Variants in QSOX1 observed in about 807,000 individuals in gnomAD.
QSOX1 encodes the protein sulfhydryl oxidase 1.
A neutral mutation model predicts 76.1 loss-of-function variants in QSOX1; 40 were observed. The ratio of observed to expected loss-of-function variants is 0.53; its 90% CI spans 0.41 to 0.68. The LOEUF (loss-of-function observed/expected upper bound fraction) is 0.68, where lower values mean the gene tolerates loss of function less well. Ranked by LOEUF, QSOX1 falls within the 30% of genes least tolerant of loss-of-function variation. QSOX1 has a pLI of 0.00. For missense variants in QSOX1, 931 were observed against 974.3 expected (o/e 0.96, Z 0.59); for synonymous variants, 392 against 413.1 (o/e 0.95, Z 0.62).
chr1:180,188,716 TTCTCC>T (rs1214724307), intron 8 of QSOX1, among the ~76,000 whole-genome samples: 1 of 152,232 alleles, frequency 6.6e-6, no homozygotes, highest in Non-Finnish European at 1.5e-5. Context: ...TCCAGTATCC[TTCTCC>T]TCTCAAATGT....
intron 1 of QSOX1, among the ~76,000 whole-genome samples, chr1:180,155,759 T>C (rs980819242): frequency 6.6e-6 from 1 of 152,238 alleles, no homozygotes; most frequent in Non-Finnish European, 1.5e-5. Flanking sequence ...TTTTCCTATC[T>C]CTGTTCCGGG....
At chr1:180,184,105 C>T in intron 7 of QSOX1, 55 bp downstream of exon 7, 1 of 1,586,962 alleles carries the variant, frequency 6.3e-7, no homozygotes, top group East Asian at 2.2e-5. Flanking sequence ...TCACAGACCA[C>T]CACACCTTCA....
At chr1:180,181,254 A>T (rs1663027005) in intron 5 of QSOX1, among the ~76,000 whole-genome samples, 1 of 152,168 alleles carries the variant, frequency 6.6e-6, no homozygotes, top group South Asian at 2.1e-4. Flanking sequence ...AAAAAAGGCT[A>T]GGGGGCGCCA....
rs1251413214 is a variant in QSOX1, at chr1:180,199,586, A to G, written c.*2549A>G. The G allele has an allele frequency of 6.6e-6, 1 of 152,062 alleles. No homozygotes were observed. The highest frequency in any genetic ancestry group is 1.5e-5 in the Non-Finnish European group (1 of 68,030). The allele number at this position is 152,062 out of a possible 1,614,324, so 9.4% of individuals were successfully genotyped here. On this transcript the variant is annotated 3_prime_UTR_variant, in exon 12 of 12. Coordinates refer to ENST00000367602, the MANE Select transcript of QSOX1 (RefSeq NM_002826.5). ...CAGCAAAGAAAAGTAGAATTCGAAA[A>G]CTTTTTAAAAATATTACTAAGGATT... is the stretch of plus-strand genomic sequence containing the variant.
intron 1 of QSOX1, among the ~76,000 whole-genome samples, chr1:180,163,091 A>C (rs1215871749): frequency 6.6e-6 from 1 of 151,928 alleles, no homozygotes; most frequent in Non-Finnish European, 1.5e-5. Context: ...AGAGGACCAA[A>C]TTCTGATTTT....
At chr1:180,190,338 C>A (rs1373088068) in intron 9 of QSOX1, 95 bp from the exon 10 acceptor site, 3 of 1,386,544 alleles carry the variant, frequency 2.2e-6, no homozygotes, top group Non-Finnish European at 2.0e-6. Flanking sequence ...TGAGGGACCT[C>A]ATTTGTCTTA....
chr1:180,171,022 T>A (rs1222790844), intron 2 of QSOX1, among the ~76,000 whole-genome samples: 1 of 152,030 alleles, frequency 6.6e-6, no homozygotes, highest in Non-Finnish European at 1.5e-5. Flanking sequence ...TTGAATGCAG[T>A]GAGTTTGGAC....
At position 180,197,451 on chromosome 1, in the gene QSOX1, A is replaced by G; in HGVS notation, c.*414A>G. On this transcript the variant is annotated 3_prime_UTR_variant, in exon 12 of 12. Transcript: ENST00000367602. Reference sequence around the variant, plus strand: ...CCCCCAGCTGGGTGGGCTGGAATGGAACTCCTCACTAGCTGCTGGGGCTCC... The same window carrying G: ...CCCCCAGCTGGGTGGGCTGGAATGGGACTCCTCACTAGCTGCTGGGGCTCC... 6.7e-7 allele frequency: 1 copy of G among 1,500,152 alleles called. No homozygotes were observed. The highest frequency in any genetic ancestry group is 9.2e-7 in the Non-Finnish European group (1 of 1,083,848). 92.9% of individuals were successfully genotyped at this position (1,500,152 alleles called of 1,614,324 possible). A position where few individuals can be genotyped will look rare whatever the true frequency, so the allele number is the denominator to read the frequency against.
chr1:180,182,964 C>T (rs1480386261), intron 6 of QSOX1, among the ~76,000 whole-genome samples: 4 of 152,202 alleles, frequency 2.6e-5, no homozygotes, highest in African/African-American at 9.6e-5. Flanking sequence ...CCGACCCACA[C>T]GGCGCCGGGC....
intron 2 of QSOX1, among the ~76,000 whole-genome samples, chr1:180,169,362 C>T (rs887583648): frequency 7.2e-5 from 11 of 152,178 alleles, no homozygotes; most frequent in African/African-American, 2.4e-4. Context: ...AGCACAGCAG[C>T]ATAGGGGTGG....
At position 180,196,749 on chromosome 1, in the gene QSOX1, G is replaced by C. The variant is rs960985296; in HGVS notation, c.1956G>C (p.Leu652=). The C allele has an allele frequency of 6.2e-7, 1 of 1,614,152 alleles. No homozygotes were observed. Among genetic ancestry groups the C allele is most frequent in the Non-Finnish European group, 8.5e-7 (1 of 1,180,026 alleles). The part of the protein sequence containing the change: ...LSKRDTGAAL[L]AESRAEKNRL... Reference sequence around the variant, plus strand: ...AGCGAGACACAGGGGCTGCATTGCTGGCTGAGTCCAGGGCTGAGAAGAACC... The same window carrying C: ...AGCGAGACACAGGGGCTGCATTGCTCGCTGAGTCCAGGGCTGAGAAGAACC... The change falls in exon 12 of 12, where the codon CTG becomes CTC. Residue 652 remains leucine, a synonymous_variant. Transcript: ENST00000367602. This position sits in a 1 kb window ranked among gnomAD's most constrained non-coding sequence, Gnocchi z 4.1.
Position 180,196,991 on chromosome 1 carries a change from C to T in QSOX1, c.2198C>T (p.Ala733Val), listed in dbSNP as rs1663510199. Reference sequence around the variant, plus strand: ...CTGGCCATGTACACCTACTTCCAGGCCAAGATAAGGGCCCTGAAGGGCCAT... The same window carrying T: ...CTGGCCATGTACACCTACTTCCAGGTCAAGATAAGGGCCCTGAAGGGCCAT... ...GLLAMYTYFQAKIRALKGHAG... is the reference protein window; with the variant it reads ...GLLAMYTYFQVKIRALKGHAG... The change falls in exon 12 of 12, where the codon GCC becomes GTC. Residue 733 changes from alanine (A) to valine (V), a missense_variant. By Grantham distance (64) the Ala-to-Val change is moderately conservative. Coordinates refer to ENST00000367602, the MANE Select transcript of QSOX1 (RefSeq NM_002826.5). The surrounding 1 kb of genome is among the most constrained non-coding windows in gnomAD (Gnocchi z 4.1). The T allele has an allele frequency of 6.2e-7, 1 of 1,612,442 alleles. No homozygotes were observed. Among genetic ancestry groups the T allele is most frequent in the African/African-American group, 1.3e-5 (1 of 74,918 alleles).
chr1:180,176,268 G>C (rs1662889639), intron 4 of QSOX1, among the ~76,000 whole-genome samples: 1 of 152,226 alleles, frequency 6.6e-6, no homozygotes, highest in Non-Finnish European at 1.5e-5. Flanking sequence ...TTCTGGGGCT[G>C]ACTGATGGTG....
At position 180,196,806 on chromosome 1, in the gene QSOX1, G is replaced by A. The variant is rs1407012220; in HGVS notation, c.2013G>A (p.Val671=). ...GGGGCCCTTTGGAGGTCAGGCGCGT[G>A]GGCCGCAGCTCCAAGCAGCTGGTCG... ...RLWGPLEVRR[V]GRSSKQLVDI... Residue 671 remains valine, a synonymous_variant, in exon 12 of 12, where the codon GTG becomes GTA. Transcript: ENST00000367602. The surrounding 1 kb of genome is among the most constrained non-coding windows in gnomAD (Gnocchi z 4.1). 1 of 1,613,144 alleles carries A rather than the reference G, an allele frequency of 6.2e-7. No homozygotes were observed. Among genetic ancestry groups the A allele is most frequent in the Admixed American group, 1.7e-5 (1 of 59,998 alleles).
At chr1:180,168,380 C>T (rs1184098239) in intron 2 of QSOX1, among the ~76,000 whole-genome samples, 1 of 148,086 alleles carries the variant, frequency 6.8e-6, no homozygotes, top group Non-Finnish European at 1.5e-5. Context: ...ACACGGTGGC[C>T]TCCCCCGGCA....
chr1:180,180,664 G>A (rs188112166), intron 5 of QSOX1, among the ~76,000 whole-genome samples: 234 of 152,256 alleles, frequency 1.5e-3, no homozygotes, highest in African/African-American at 5.5e-3. Flanking sequence ...ACAGGCGCCC[G>A]CCACCACACC....
intron 9 of QSOX1, among the ~76,000 whole-genome samples, chr1:180,190,196 C>G (rs1663274121): frequency 6.6e-6 from 1 of 152,180 alleles, no homozygotes; most frequent in Non-Finnish European, 1.5e-5. Flanking sequence ...GAGATAACCC[C>G]CTTGTGTTAC....
At position 180,171,989 on chromosome 1, in the gene QSOX1, A is replaced by G. The variant is rs138942344; in HGVS notation, c.367-3332A>G. 7.1e-3 allele frequency among the ~76,000 whole-genome samples: 1,074 copies of G among 152,290 alleles called. 2 individuals are homozygous for G. The highest frequency in any genetic ancestry group is 0.027 in the Middle Eastern group (8 of 294). On this transcript the variant is annotated intron_variant, in intron 2 of 11. Coordinates refer to ENST00000367602, the MANE Select transcript of QSOX1 (RefSeq NM_002826.5). ...CACTGGAGTGGCTGAAGAGAAGGTC[A>G]CCAAGGAGCTTCCCTAGAACGGCTT...
chr1:180,183,812 C>T (rs1308703919), intron 6 of QSOX1, 104 bp from the exon 7 acceptor site: 2 of 1,299,070 alleles, frequency 1.5e-6, no homozygotes, highest in African/African-American at 1.5e-5. Context: ...TTTAATAAAC[C>T]TTCCTGTCCG....
Sources: gnomAD v4.1 joint callset for allele counts (sites outside exome capture counted in the v4.1 genomes callset) on GRCh38, gnomAD v4.1.1 for gene constraint, Gnocchi (gnomAD v3.1) non-coding constraint, MANE v1.5 for transcripts, NCBI Gene and HGNC (gene_info 2026-07-23, HGNC 2026-07-21) for gene names.